The following PRELID2 variants were observed in gnomAD, a reference collection of about 807,000 sequenced individuals.
PRELID2 encodes the protein PRELI domain containing 2.
A neutral mutation model predicts 28.4 loss-of-function variants in PRELID2; 25 were observed. That is an observed-to-expected ratio of 0.88 (90% CI 0.64 to 1.23). The LOEUF is 1.23. Among genes scored for constraint, PRELID2 ranks in the 50% most tolerant of loss-of-function variants. The pLI, the probability that PRELID2 is intolerant of heterozygous loss-of-function variation, is 0.00. For missense variants in PRELID2, 201 were observed against 214.4 expected (o/e 0.94, Z 0.39); for synonymous variants, 76 against 71.6 (o/e 1.06, Z -0.31).
chr5:145,402,047 G>A, the PRELID2 span, among the ~76,000 whole-genome samples: 1 of 152,096 alleles, frequency 6.6e-6, no homozygotes, highest in African/African-American at 2.4e-5. Flanking sequence ...TCTTCCATGT[G>A]AGGCGCCTTA....
At chr5:145,740,551 G>A (rs1581121206) in intron 1 of PRELID2, among the ~76,000 whole-genome samples, 1 of 122,718 alleles carries the variant, frequency 8.1e-6, no homozygotes, top group African/African-American at 3.1e-5. Context: ...AACAACATGA[G>A]AATATTCAAG....
chr5:145,389,611 C>T, the PRELID2 span, among the ~76,000 whole-genome samples: 1 of 152,114 alleles, frequency 6.6e-6, no homozygotes, highest in Admixed American at 6.5e-5. Context: ...ATACAGTATA[C>T]ATCTCACACA....
the PRELID2 span, among the ~76,000 whole-genome samples, chr5:145,306,155 C>A: frequency 2.6e-5 from 4 of 152,068 alleles, no homozygotes; most frequent in African/African-American, 9.7e-5. Flanking sequence ...CTAGTTAATG[C>A]AGTATTTACA....
chr5:145,307,769 A>G, the PRELID2 span, among the ~76,000 whole-genome samples: 1 of 152,154 alleles, frequency 6.6e-6, no homozygotes, highest in Admixed American at 6.5e-5. Flanking sequence ...CACCTGAGCC[A>G]TAAAAGCAAG....
the PRELID2 span, among the ~76,000 whole-genome samples, chr5:145,287,441 A>T: frequency 6.6e-6 from 1 of 152,200 alleles, no homozygotes; most frequent in African/African-American, 2.4e-5. Flanking sequence ...AGTGACTAAC[A>T]AATATGCTGA....
At chr5:145,536,625 T>C (rs1580970982) in intron 1 of PRELID2, among the ~76,000 whole-genome samples, 1 of 151,876 alleles carries the variant, frequency 6.6e-6, no homozygotes, top group East Asian at 1.9e-4. Flanking sequence ...AAAGATACAA[T>C]GTCCCTCCCT....
the PRELID2 span, among the ~76,000 whole-genome samples, chr5:145,377,381 T>C: frequency 6.6e-6 from 1 of 152,190 alleles, no homozygotes; most frequent in Non-Finnish European, 1.5e-5. Context: ...AAGAGTTCTG[T>C]AGATGTTTAC....
intron 1 of PRELID2, among the ~76,000 whole-genome samples, chr5:145,586,423 G>A (rs529074293): frequency 6.6e-5 from 10 of 152,078 alleles, no homozygotes; most frequent in African/African-American, 2.2e-4. Flanking sequence ...CAGGTGGATC[G>A]CCTGAGATCA....
intron 1 of PRELID2, among the ~76,000 whole-genome samples, chr5:145,739,123 T>C (rs1756578429): frequency 6.6e-6 from 1 of 152,118 alleles, no homozygotes; most frequent in Non-Finnish European, 1.5e-5. Context: ...TTTCAGATGA[T>C]GAAAAACTGA....
At chr5:145,517,537 T>C (rs1168952507) in intron 1 of PRELID2, among the ~76,000 whole-genome samples, 1 of 152,140 alleles carries the variant, frequency 6.6e-6, no homozygotes, top group Non-Finnish European at 1.5e-5. Context: ...TTTTACACTG[T>C]TGGTGGGAGT....
chr5:145,264,617 A>C, the PRELID2 span, among the ~76,000 whole-genome samples: 1 of 152,106 alleles, frequency 6.6e-6, no homozygotes, highest in Non-Finnish European at 1.5e-5. Flanking sequence ...ACTTCTATTC[A>C]ACATAATACT....
intron 1 of PRELID2, among the ~76,000 whole-genome samples, chr5:145,700,655 G>T (rs1245432767): frequency 6.6e-6 from 1 of 151,978 alleles, no homozygotes; most frequent in African/African-American, 2.4e-5. Context: ...CCCACCACAG[G>T]TTCTCCCAGG....
intron 1 of PRELID2, among the ~76,000 whole-genome samples, chr5:145,527,330 G>T (rs1387015169): frequency 6.6e-6 from 1 of 152,058 alleles, no homozygotes; most frequent in Non-Finnish European, 1.5e-5. Context: ...AAGGTTGGTG[G>T]ATTATACCAA....
chr5:145,547,497 G>T (rs1304074619), intron 1 of PRELID2, among the ~76,000 whole-genome samples: 1 of 152,006 alleles, frequency 6.6e-6, no homozygotes, highest in Non-Finnish European at 1.5e-5. Context: ...TGATTTAAAA[G>T]TTAATATAAG....
At chr5:145,615,802 C>T (rs1368976677) in intron 1 of PRELID2, among the ~76,000 whole-genome samples, 2 of 152,044 alleles carry the variant, frequency 1.3e-5, no homozygotes, top group Non-Finnish European at 2.9e-5. Context: ...AATCTTTTTG[C>T]TTTTTAAATT....
chr5:145,543,790 T>G (rs1752764243), intron 1 of PRELID2, among the ~76,000 whole-genome samples: 1 of 152,098 alleles, frequency 6.6e-6, no homozygotes, highest in Non-Finnish European at 1.5e-5. Context: ...TTGTCGCATT[T>G]GGAGGCCATC....
chr5:145,722,796 G>A (rs141505038), intron 1 of PRELID2, among the ~76,000 whole-genome samples: 2 of 151,936 alleles, frequency 1.3e-5, no homozygotes, highest in African/African-American at 2.4e-5. Context: ...CACCACACCC[G>A]GCCCCAAATT....
the PRELID2 span, among the ~76,000 whole-genome samples, chr5:145,246,433 TA>T: frequency 6.7e-4 from 102 of 152,056 alleles, no homozygotes; most frequent in African/African-American, 2.4e-3. Flanking sequence ...GTTGTACAAA[TA>T]AAAAAATGTA....
intron 1 of PRELID2, among the ~76,000 whole-genome samples, chr5:145,646,362 T>C (rs907534608): frequency 6.6e-6 from 1 of 152,232 alleles, no homozygotes; most frequent in African/African-American, 2.4e-5. Flanking sequence ...GAAGTTCTCG[T>C]GCTGTGTTTT....
Sources: allele counts gnomAD v4.1 joint callset (sites outside exome capture counted in the v4.1 genomes callset), GRCh38; gene constraint gnomAD v4.1.1; transcripts MANE v1.5; gene names NCBI Gene and HGNC (gene_info 2026-07-23, HGNC 2026-07-21).